Variants in ZNF609 observed in about 807,000 individuals in gnomAD.
The protein encoded by ZNF609 is zinc finger protein 609.
In ZNF609, 11 loss-of-function variants were observed where a neutral mutation model predicts 109.5. The observed-to-expected ratio is 0.10, with a 90% CI of 0.06 to 0.17. ZNF609 has a LOEUF of 0.17. Among genes scored for constraint, ZNF609 ranks in the 10% least tolerant of loss-of-function variants. The pLI is 1.00. For missense variants in ZNF609, 1,559 were observed against 1,772.4 expected, an observed-to-expected ratio of 0.88 and a Z score of 2.16; for synonymous variants, 646 against 662.0, an observed-to-expected ratio of 0.98 and a Z score of 0.37.
At chr15:64,669,580 G>T (rs1320921212) in intron 3 of ZNF609, among the ~76,000 whole-genome samples, 1 of 152,176 alleles carries the variant, frequency 6.6e-6, no homozygotes, top group African/African-American at 2.4e-5. Context: ...ATTAGGGTTT[G>T]TTGGAGATTT....
intron 1 of ZNF609, among the ~76,000 whole-genome samples, chr15:64,478,599 A>G (rs1893205993): frequency 6.6e-6 from 1 of 152,112 alleles, no homozygotes; most frequent in Admixed American, 6.6e-5. Context: ...GCTGGACTCA[A>G]ACTCCTGACC....
chr15:64,625,888 C>CAAAAA (rs869043429), intron 3 of ZNF609, among the ~76,000 whole-genome samples: 1 of 26,324 alleles, frequency 3.8e-5, no homozygotes, highest in African/African-American at 1.8e-4. Flanking sequence ...GACTCCATCT[C>CAAAAA]AAAAAAAAAA....
intron 2 of ZNF609, among the ~76,000 whole-genome samples, chr15:64,552,069 T>C (rs1056862548): frequency 6.6e-6 from 1 of 152,160 alleles, no homozygotes; most frequent in East Asian, 1.9e-4. Flanking sequence ...TCTTGATACG[T>C]TGTGCATGTA....
intron 2 of ZNF609, among the ~76,000 whole-genome samples, chr15:64,514,619 T>G (rs1166007486): frequency 6.6e-6 from 1 of 152,118 alleles, no homozygotes; most frequent in Non-Finnish European, 1.5e-5. Context: ...CACTTTCACC[T>G]TTAGATTCTA....
At chr15:64,539,972 A>G (rs1894223304) in intron 2 of ZNF609, among the ~76,000 whole-genome samples, 1 of 151,940 alleles carries the variant, frequency 6.6e-6, no homozygotes, top group Admixed American at 6.6e-5. Flanking sequence ...GGGTCCCACC[A>G]TCTTGCCCAG....
chr15:64,607,843 CT>C (rs149066272), intron 2 of ZNF609, among the ~76,000 whole-genome samples: 52,049 of 68,532 alleles, frequency 0.76, 22,913 homozygotes, highest in East Asian at 0.98. Flanking sequence ...TTCTTTCTTT[CT>C]TTCTTTCTTT....
At position 64,613,824 on chromosome 15, in the gene ZNF609, A is replaced by G. The variant is rs560348793; in HGVS notation, c.748-9003A>G. On this transcript the variant is annotated intron_variant, in intron 2 of 9. Transcript: ENST00000326648. ...TGGCCTCCCAAAGTGCTGGGATTACAGGCGTGAGCCACTCCGCCTGGCCTA... is the reference window on the plus strand; with the variant it reads ...TGGCCTCCCAAAGTGCTGGGATTACGGGCGTGAGCCACTCCGCCTGGCCTA... Among the ~76,000 whole-genome samples the G allele has an allele frequency of 2.0e-5, 3 of 152,224 alleles. No individual in the cohort carries two copies. In the East Asian group the frequency reaches 5.8e-4, roughly 29 times the overall value.
At position 64,683,070 on chromosome 15, in the gene ZNF609, A is replaced by G. The variant is rs2083220030; in HGVS notation, c.*1384A>G. ...CCAATGGAAGCTTTATACTCTTTGTACTGGGAAAGTGAGGATGATTTGGTA... is the reference window on the plus strand; with the variant it reads ...CCAATGGAAGCTTTATACTCTTTGTGCTGGGAAAGTGAGGATGATTTGGTA... On this transcript the variant is annotated 3_prime_UTR_variant, in exon 10 of 10. Coordinates refer to ENST00000326648, the MANE Select transcript of ZNF609 (RefSeq NM_015042.2). The G allele has an allele frequency of 6.6e-6, 1 of 152,582 alleles. No homozygotes were observed. Among genetic ancestry groups the G allele is most frequent in the African/African-American group, 2.4e-5 (1 of 41,440 alleles). 9.5% of individuals were successfully genotyped at this position (152,582 alleles called of 1,614,324 possible). A position where few individuals can be genotyped will look rare whatever the true frequency, so the allele number is the denominator to read the frequency against.
chr15:64,625,934 T>G (rs1433159004), intron 3 of ZNF609, among the ~76,000 whole-genome samples: 1,317 of 70,706 alleles, frequency 0.019, 14 homozygotes, highest in African/African-American at 0.028. Flanking sequence ...TATATATATA[T>G]ATAGAGAGAG....
intron 2 of ZNF609, among the ~76,000 whole-genome samples, chr15:64,608,824 A>G (rs909945259): frequency 6.6e-6 from 1 of 151,774 alleles, no homozygotes; most frequent in Non-Finnish European, 1.5e-5. Flanking sequence ...CTGCAGCCTC[A>G]ACCTCCTGGG....
rs192527691 is a variant in ZNF609 at position 64,509,406 on chromosome 15, C to T, written c.747+9240C>T. 1.1e-3 allele frequency among the ~76,000 whole-genome samples: 160 copies of T among 152,138 alleles called. 1 individual carries two copies. The highest frequency in any genetic ancestry group is 2.1e-3 in the Non-Finnish European group (140 of 68,036). ...CAGTGCCTAGCATTATAGTAAGTAA[C>T]CAATAAATGTTAGCTGTTGCTGATG... On this transcript the variant is annotated intron_variant, in intron 2 of 9. Coordinates refer to ENST00000326648, the MANE Select transcript of ZNF609 (RefSeq NM_015042.2).
rs765821629 is a variant in ZNF609 at position 64,499,539 on chromosome 15, C to T, written c.120C>T (p.Ala40=). The change falls in exon 2 of 10, where the codon GCC becomes GCT. Residue 40 remains alanine (A), a synonymous_variant. Coordinates refer to ENST00000326648, the MANE Select transcript of ZNF609 (RefSeq NM_015042.2). ...GGAATCTCATCATTGACCTGGACGC[C>T]GATCTGGAAAAGGACCAGCAGAAAC... ...GVGNLIIDLD[A]DLEKDQQKLE... is the part of the protein sequence containing the mutation. The T allele has an allele frequency of 3.1e-6, 5 of 1,613,924 alleles. No homozygotes were observed. Among genetic ancestry groups the T allele is most frequent in the East Asian group, 2.2e-5 (1 of 44,866 alleles).
chr15:64,576,413 T>G (rs1031645730), intron 2 of ZNF609, among the ~76,000 whole-genome samples: 1 of 151,928 alleles, frequency 6.6e-6, no homozygotes, highest in African/African-American at 2.4e-5. Context: ...TTAGTTATGA[T>G]GTCAATTCAG....
In ZNF609 at chr15:64,680,751, G is replaced by A. The variant is rs1346322934; in HGVS notation, c.4051G>A (p.Val1351Ile). 7.4e-6 allele frequency: 12 copies of A among 1,613,528 alleles called. No homozygotes were observed. Among genetic ancestry groups the A allele is most frequent in the Admixed American group, 3.3e-5 (2 of 59,986 alleles). The change falls in exon 8 of 10, where the codon GTT becomes ATT. Residue 1351 changes from valine to isoleucine, a missense_variant. Physicochemically the swap from Val to Ile is conservative, Grantham distance 29. This residue lies in a region of ZNF609 where 1,204 missense variants were observed against 1,314.1 expected (regional missense o/e 0.92). Coordinates refer to ENST00000326648, the MANE Select transcript of ZNF609 (RefSeq NM_015042.2). ...VGGASGGERSVDRPRTSPSQR... is the reference protein window; with the variant it reads ...VGGASGGERSIDRPRTSPSQR... ...GGGAGCAAGTGGGGGTGAACGGAGTGTTGACCGGCCCCGCACCTCTCCTTC... is the reference window on the plus strand; with the variant it reads ...GGGAGCAAGTGGGGGTGAACGGAGTATTGACCGGCCCCGCACCTCTCCTTC...
chr15:64,613,154 C>T (rs1052739156), intron 2 of ZNF609, among the ~76,000 whole-genome samples: 29 of 152,050 alleles, frequency 1.9e-4, no homozygotes, highest in African/African-American at 7.0e-4. Context: ...AACCTTGTCT[C>T]TACAAAAAAT....
chr15:64,464,154 A>T (rs1892979549), intron 1 of ZNF609, among the ~76,000 whole-genome samples: 1 of 152,236 alleles, frequency 6.6e-6, no homozygotes, highest in African/African-American at 2.4e-5. Context: ...GGCTCCTGGT[A>T]GCAATTATGT....
At chr15:64,592,535 G>A (rs762647876) in intron 2 of ZNF609, among the ~76,000 whole-genome samples, 54 of 152,056 alleles carry the variant, frequency 3.6e-4, no homozygotes, top group Admixed American at 3.1e-3. Context: ...CTGGGATCTC[G>A]CCACTACACC....
intron 2 of ZNF609, among the ~76,000 whole-genome samples, chr15:64,563,259 G>A (rs1894711533): frequency 6.6e-6 from 1 of 151,950 alleles, no homozygotes; most frequent in African/African-American, 2.4e-5. Flanking sequence ...AGACAAGCCT[G>A]GGGAACATGG....
intron 2 of ZNF609, among the ~76,000 whole-genome samples, chr15:64,528,032 AT>A (rs759100144): frequency 6.6e-6 from 1 of 152,164 alleles, no homozygotes; most frequent in African/African-American, 2.4e-5. Flanking sequence ...TTTTATAGAA[AT>A]ATTGAATATT....
Sources: gnomAD v4.1 joint callset for allele counts (sites outside exome capture counted in the v4.1 genomes callset) on GRCh38, gnomAD v4.1.1 for gene constraint, gnomAD v4.1.1 regional missense constraint, MANE v1.5 for transcripts, NCBI Gene and HGNC (gene_info 2026-07-23, HGNC 2026-07-21) for gene names.